ANK3: variants seen among roughly 807,000 people sequenced by gnomAD.
ANK3 encodes ankyrin-3.
In ANK3, 57 loss-of-function variants were observed where a neutral mutation model predicts 370.9. The observed-to-expected ratio is 0.15, with a 90% confidence interval of 0.12 to 0.19. The LOEUF (loss-of-function observed/expected upper bound fraction) is 0.19. Among genes scored for constraint, ANK3 ranks in the 10% least tolerant of loss-of-function variants. The pLI is 1.00. For synonymous variants in ANK3, 1,929 were observed against 1,946.3 expected, an observed-to-expected ratio of 0.99 and a Z score of 0.23; for missense variants, 4,439 against 5,302.1, an observed-to-expected ratio of 0.84 and a Z score of 5.06.
chr10:60,558,709 T>C (rs1371520528), intron 2 of ANK3, among the ~76,000 whole-genome samples: 1 of 152,236 alleles, frequency 6.6e-6, no homozygotes, highest in Non-Finnish European at 1.5e-5. Flanking sequence ...TATTAAGAAC[T>C]ATCTCTGCCA....
At chr10:60,424,147 A>T (rs1026649377) in intron 2 of ANK3, among the ~76,000 whole-genome samples, 1 of 151,986 alleles carries the variant, frequency 6.6e-6, no homozygotes, top group Non-Finnish European at 1.5e-5. Context: ...CCTATCTGTG[A>T]GTCACTATAC....
intron 18 of ANK3, among the ~76,000 whole-genome samples, chr10:60,174,253 G>C (rs1273306438): frequency 6.6e-6 from 1 of 152,126 alleles, no homozygotes; most frequent in Non-Finnish European, 1.5e-5. Flanking sequence ...GGTGACTCTT[G>C]GTAGACTTTG....
chr10:60,729,477 T>C lies in ANK3; in HGVS notation c.57+3786A>G, dbSNP rs2079990189. ...CAACACATAGTTCTTAATTCAACAA[T>C]GGCATTCAAATTAACTTCAGTTCTG... On this transcript the variant is annotated intron_variant, in intron 1 of 43. Transcript: ENST00000373827. 2.0e-5 allele frequency among the ~76,000 whole-genome samples: 3 copies of C among 152,210 alleles called. 1 individual carries two copies. The highest frequency in any genetic ancestry group is 4.1e-4 in the South Asian group (2 of 4,836).
chr10:60,278,697 C>T (rs2098123105), intron 4 of ANK3, 77 bp downstream of exon 4: 1 of 1,157,486 alleles, frequency 8.6e-7, no homozygotes, highest in Non-Finnish European at 1.3e-6. Context: ...GATATGTGAA[C>T]TAAGCAAGCA....
chr10:60,061,737 A>C (rs1488250874), intron 40 of ANK3, among the ~76,000 whole-genome samples: 2 of 146,606 alleles, frequency 1.4e-5, no homozygotes, highest in Non-Finnish European at 3.1e-5. Context: ...TGTTGACTTA[A>C]ACTTTTTTTT....
intron 1 of ANK3, among the ~76,000 whole-genome samples, chr10:60,371,252 CAT>C (rs1217199184): frequency 6.6e-6 from 1 of 152,086 alleles, no homozygotes; most frequent in Admixed American, 6.6e-5. Context: ...GGCCAACAAA[CAT>C]ATGAAAAAAC....
At chr10:60,577,229 C>A (rs543681308) in intron 2 of ANK3, among the ~76,000 whole-genome samples, 1 of 152,132 alleles carries the variant, frequency 6.6e-6, no homozygotes, top group Admixed American at 6.6e-5. Flanking sequence ...GTAGTTAGTT[C>A]CACCACATCC....
chr10:60,125,379 C>A (rs2093703664), intron 25 of ANK3, among the ~76,000 whole-genome samples: 1 of 152,164 alleles, frequency 6.6e-6, no homozygotes, highest in Non-Finnish European at 1.5e-5. Context: ...ACTGCACTAC[C>A]TTAAGGAAGT....
intron 8 of ANK3, among the ~76,000 whole-genome samples, chr10:60,232,368 CT>C (rs36045420): frequency 0.38 from 57,498 of 151,910 alleles, 12,084 homozygotes; most frequent in East Asian, 0.5. Flanking sequence ...ACAAATGTTC[CT>C]TTTTCTCCAT....
At chr10:60,381,073 C>T (rs1055224384) in intron 1 of ANK3, among the ~76,000 whole-genome samples, 2 of 152,102 alleles carry the variant, frequency 1.3e-5, no homozygotes, top group Admixed American at 6.6e-5. Flanking sequence ...TGTAACAATG[C>T]CTCTATCATG....
intron 1 of ANK3, among the ~76,000 whole-genome samples, chr10:60,382,827 G>A (rs2061729217): frequency 9.0e-6 from 1 of 111,274 alleles, no homozygotes; most frequent in Admixed American, 8.7e-5. Context: ...ATATATATAT[G>A]CCAATGCTTT....
At chr10:60,555,080 A>G (rs1298345106) in intron 2 of ANK3, among the ~76,000 whole-genome samples, 1 of 152,236 alleles carries the variant, frequency 6.6e-6, no homozygotes, top group Non-Finnish European at 1.5e-5. Context: ...AAGAAAAAAA[A>G]GACAAAACTT....
In ANK3 at chr10:60,028,971, G is replaced by C. The variant is rs1269242797; in HGVS notation, c.*875C>G. On this transcript the variant is annotated 3_prime_UTR_variant, in exon 44 of 44. Coordinates refer to ENST00000280772, the MANE Select transcript of ANK3 (RefSeq NM_020987.5). ...ATCTTTTGTGTTGCAGTATACTGTA[G>C]TGTTTGCAAAATTGGAAAAGATTTA... 6.6e-6 allele frequency: 1 copy of C among 152,482 alleles called. No homozygotes were observed. The highest frequency in any genetic ancestry group is 1.5e-5 in the Non-Finnish European group (1 of 68,030). The allele number at this position is 152,482 out of a possible 1,614,324, so 9.4% of individuals were successfully genotyped here. A position where few individuals can be genotyped will look rare whatever the true frequency, so the allele number is the denominator to read the frequency against.
intron 25 of ANK3, among the ~76,000 whole-genome samples, chr10:60,115,675 T>C (rs1045250033): frequency 1.3e-5 from 2 of 152,168 alleles, no homozygotes; most frequent in African/African-American, 4.8e-5. Context: ...AAATACAATG[T>C]CAGTTCTTTA....
rs2083191794 is a variant in ANK3, at chr10:60,073,580, G to A, written c.7301C>T (p.Ser2434Phe). 6.2e-7 allele frequency: 1 copy of A among 1,613,886 alleles called. No individual in the cohort carries two copies. The highest frequency in any genetic ancestry group is 1.3e-5 in the African/African-American group (1 of 74,870). ...ACTCAAAAGCTTCAATGTTTTATAA[G>A]AGTCATCAGATATGAGTTGAGCAGA... is the stretch of plus-strand genomic sequence containing the variant. The part of the protein sequence containing the change: ...PSSAQLISDD[S>F]YKTLKLLSQH... The change falls in exon 37 of 44, where the codon TCT becomes TTT. Residue 2434 changes from serine to phenylalanine, a missense_variant. Ser to Phe is a radical substitution (Grantham distance 155). Transcript: ENST00000280772.
At chr10:60,282,953 T>C (rs12782806) in intron 1 of ANK3, among the ~76,000 whole-genome samples, 23,672 of 152,122 alleles carry the variant, frequency 0.16, 1,966 homozygotes, top group African/African-American at 0.19. Flanking sequence ...AGTTCCTCCT[T>C]TTACTCTTAG....
At chr10:60,198,734 T>C (rs1347142553) in intron 13 of ANK3, among the ~76,000 whole-genome samples, 197 bp from the exon 14 acceptor site, 1 of 152,196 alleles carries the variant, frequency 6.6e-6, no homozygotes, top group Non-Finnish European at 1.5e-5. Flanking sequence ...TAAATACCTG[T>C]GGAGAGTGAC....
intron 2 of ANK3, among the ~76,000 whole-genome samples, chr10:60,405,918 G>C (rs1246963845): frequency 6.6e-6 from 1 of 151,924 alleles, no homozygotes; most frequent in Non-Finnish European, 1.5e-5. Context: ...CAGCATGTTG[G>C]GAGAAAAAGC....
chr10:60,581,928 A>G (rs1163124686), intron 2 of ANK3, among the ~76,000 whole-genome samples: 1 of 152,194 alleles, frequency 6.6e-6, no homozygotes, highest in African/African-American at 2.4e-5. Flanking sequence ...ACACCATGGA[A>G]TACTATGCAG....
Sources: gnomAD v4.1 joint callset for allele counts (sites outside exome capture counted in the v4.1 genomes callset) on GRCh38, gnomAD v4.1.1 for gene constraint, MANE v1.5 for transcripts, NCBI Gene and HGNC (gene_info 2026-07-23, HGNC 2026-07-21) for gene names.